Variants in ATP2C1 observed in about 807,000 individuals in gnomAD.
The protein encoded by ATP2C1 is calcium-transporting ATPase type 2C member 1.
A neutral mutation model predicts 120.5 loss-of-function variants in ATP2C1; 31 were observed. The observed-to-expected ratio is 0.26, with a 90% CI of 0.19 to 0.35. ATP2C1 has a LOEUF of 0.35. Ranked by LOEUF, ATP2C1 falls within the 10% of genes least tolerant of loss-of-function variation. The probability of loss-of-function intolerance (pLI) is 1.00; values close to 1 mark genes in which losing one functional copy is unlikely to be tolerated. For synonymous variants in ATP2C1, 351 were observed against 358.7 expected, an observed-to-expected ratio of 0.98 and a Z score of 0.24; for missense variants, 731 against 1,107.5, an observed-to-expected ratio of 0.66 and a Z score of 4.83.
rs533035827 is a variant in ATP2C1 at position 130,969,279 on chromosome 3, T to C, written c.1309-13T>C. 5 of 1,584,016 alleles carry C rather than the reference T, an allele frequency of 3.2e-6. No individual in the cohort carries two copies. In the South Asian group the frequency reaches 5.5e-5, roughly 18 times the overall value. ...ATATAGGTGAGAATTAACTTTCTCT[T>C]TGTGCCATATAGATGGGTCTTGATG... On this transcript the variant is annotated splice_polypyrimidine_tract_variant and intron_variant, in intron 16 of 27. Coordinates refer to ENST00000510168, the MANE Select transcript of ATP2C1 (RefSeq NM_001378687.1).
chr3:130,906,459 T>G (rs1046506182), intron 2 of ATP2C1, among the ~76,000 whole-genome samples: 23 of 152,242 alleles, frequency 1.5e-4, no homozygotes, highest in Middle Eastern at 3.4e-3. Context: ...TGTCAAAAAA[T>G]AACACTATTG....
At chr3:130,854,966 C>T (rs961124668) in intron 1 of ATP2C1, among the ~76,000 whole-genome samples, 2 of 152,202 alleles carry the variant, frequency 1.3e-5, no homozygotes, top group Non-Finnish European at 2.9e-5. Flanking sequence ...AAACATGCTC[C>T]TCCCCAGGTT....
chr3:130,987,401 T>C (rs1418574213), intron 20 of ATP2C1, among the ~76,000 whole-genome samples: 2 of 152,164 alleles, frequency 1.3e-5, no homozygotes, highest in Non-Finnish European at 2.9e-5. Context: ...AACCTCAAAC[T>C]CCTGGGTTCA....
At chr3:130,979,530 C>T (rs2061664869) in intron 19 of ATP2C1, 111 bp downstream of exon 19, 3 of 1,147,682 alleles carry the variant, frequency 2.6e-6, no homozygotes, top group Non-Finnish European at 3.8e-6. Context: ...TGAGATTATG[C>T]AATTGAAATC....
At position 131,002,571 on chromosome 3, in the gene ATP2C1, G is replaced by A. The variant is rs2062941315; in HGVS notation, c.*1221G>A. On this transcript the variant is annotated 3_prime_UTR_variant, in exon 28 of 28. Coordinates refer to ENST00000510168, the MANE Select transcript of ATP2C1 (RefSeq NM_001378687.1). ...ATGCCATCAGTTTTTATGAAAGCTT[G>A]ATGAGGTATAGGTCATTTGTTTTGA... The A allele has an allele frequency of 1.0e-6, 1 of 985,280 alleles. No individual in the cohort carries two copies. Among genetic ancestry groups the A allele is most frequent in the Non-Finnish European group, 1.2e-6 (1 of 829,918 alleles). 61.0% of individuals were successfully genotyped at this position (985,280 alleles called of 1,614,324 possible). A position where few individuals can be genotyped will look rare whatever the true frequency, so the allele number is the denominator to read the frequency against.
chr3:130,921,903 A>G lies in ATP2C1; in HGVS notation c.7-8513A>G, dbSNP rs530929870. Among the ~76,000 whole-genome samples, 4 of 152,206 alleles carry G rather than the reference A, an allele frequency of 2.6e-5. No individual in the cohort carries two copies. In the East Asian group the frequency reaches 5.8e-4, roughly 22 times the overall value. Reference sequence around the variant, plus strand: ...GGAAGTTTTGCATCTATATTTATTAAGGATATTGGTCTGTAATTTTCTTTT... The same window carrying G: ...GGAAGTTTTGCATCTATATTTATTAGGGATATTGGTCTGTAATTTTCTTTT... On this transcript the variant is annotated intron_variant, in intron 2 of 27. Transcript: ENST00000510168.
intron 1 of ATP2C1, among the ~76,000 whole-genome samples, chr3:130,885,209 C>T (rs1349773246): frequency 6.6e-6 from 1 of 152,110 alleles, no homozygotes; most frequent in African/African-American, 2.4e-5. Flanking sequence ...GCTGGGATTA[C>T]AGGCAGGAGC....
At chr3:130,896,808 A>T (rs2069671822) in intron 2 of ATP2C1, among the ~76,000 whole-genome samples, 1 of 152,314 alleles carries the variant, frequency 6.6e-6, no homozygotes, top group Admixed American at 6.5e-5. Flanking sequence ...AGAGGATTAA[A>T]TGAGAAACCC....
chr3:130,979,697 G>T (rs2061672930), intron 19 of ATP2C1, among the ~76,000 whole-genome samples: 1 of 152,020 alleles, frequency 6.6e-6, no homozygotes, highest in South Asian at 2.1e-4. Flanking sequence ...TGTGATGACA[G>T]AGTAAAAGCA....
intron 1 of ATP2C1, among the ~76,000 whole-genome samples, chr3:130,884,836 C>T (rs2685183): frequency 0.36 from 54,097 of 151,600 alleles, 9,670 homozygotes; most frequent in East Asian, 0.51. Context: ...TCTTTTTTGG[C>T]TTCCATTGGC....
rs1379045864 is a variant in ATP2C1 at position 131,001,411 on chromosome 3, G to A, written c.*61G>A. 2.1e-5 allele frequency: 34 copies of A among 1,591,818 alleles called. No homozygotes were observed. The East Asian group carries it at 7.0e-4, about 33-fold the overall frequency. On this transcript the variant is annotated 3_prime_UTR_variant, in exon 28 of 28. Coordinates refer to ENST00000510168, the MANE Select transcript of ATP2C1 (RefSeq NM_001378687.1). ...TGCAGTCTGAGGATCATTTAGAAGG[G>A]CAAGTTCAAGAGGATATGAAGATTT...
intron 21 of ATP2C1, 121 bp downstream of exon 21, chr3:130,993,122 G>GTTTT: frequency 6.4e-6 from 4 of 622,030 alleles, no homozygotes; most frequent in Admixed American, 2.9e-5. Context: ...AAGCAAAACA[G>GTTTT]TTTTTTTTTT....
rs11403338 is a variant in ATP2C1, at chr3:131,001,104, G to GAAAA, written c.2630-96_2630-93dup. 3,106 of 336,672 alleles carry GAAAA rather than the reference G, an allele frequency of 9.2e-3. 8 individuals are homozygous for GAAAA. The highest frequency in any genetic ancestry group is 0.014 in the South Asian group (528 of 38,572). The allele number at this position is 336,672 out of a possible 1,614,324, so 20.9% of individuals were successfully genotyped here. ...GGTGACAGAGCAAGACTTCATCTCA[G>GAAAA]AAAAAAAAAAAAAAAAAAAAAAAGT... On this transcript the variant is annotated intron_variant, in intron 27 of 27. Coordinates refer to ENST00000510168, the MANE Select transcript of ATP2C1 (RefSeq NM_001378687.1).
chr3:130,951,597 G>A (rs1459514899), intron 8 of ATP2C1, among the ~76,000 whole-genome samples: 4 of 152,078 alleles, frequency 2.6e-5, no homozygotes, highest in Admixed American at 1.3e-4. Context: ...CAAGGTTAAC[G>A]TGGAAATAAA....
At chr3:130,890,656 TGA>T (rs1338673689), upstream of ATP2C1, among the ~76,000 whole-genome samples, 6 of 152,200 alleles carry the variant, frequency 3.9e-5, no homozygotes, top group Middle Eastern at 3.2e-3. Context: ...GTAGCTCATA[TGA>T]GTCCTTCAAT....
intron 6 of ATP2C1, among the ~76,000 whole-genome samples, chr3:130,938,528 C>T (rs1374436779): frequency 6.6e-6 from 1 of 152,266 alleles, no homozygotes; most frequent in Middle Eastern, 3.4e-3. Context: ...TCTGTAGTAA[C>T]CCAGTGTAGA....
intron 4 of ATP2C1, among the ~76,000 whole-genome samples, chr3:130,934,310 G>T (rs1004699848): frequency 5.9e-5 from 9 of 152,052 alleles, no homozygotes. Flanking sequence ...AGCCTCAGTA[G>T]AAATTCAGAA....
chr3:130,850,991 C>G, intron 1 of ATP2C1: 1 of 908,986 alleles, frequency 1.1e-6, no homozygotes, highest in Non-Finnish European at 1.5e-6. Flanking sequence ...GCTTTTACGT[C>G]GCTTAGTGAT....
At chr3:130,865,163 G>A (rs554872779) in intron 1 of ATP2C1, among the ~76,000 whole-genome samples, 1 of 152,320 alleles carries the variant, frequency 6.6e-6, no homozygotes, top group South Asian at 2.1e-4. Context: ...GTGAGACCTG[G>A]AGTCAAAGGA....
Sources: allele counts gnomAD v4.1 joint callset (sites outside exome capture counted in the v4.1 genomes callset), GRCh38; gene constraint gnomAD v4.1.1; transcripts MANE v1.5; gene names NCBI Gene and HGNC (gene_info 2026-07-23, HGNC 2026-07-21).